NSMCE2: variants seen among roughly 807,000 people sequenced by gnomAD.
NSMCE2 encodes NSE2 SUMO ligase component of SMC5/6 complex.
Under a neutral mutation model 23.8 loss-of-function variants are expected in NSMCE2, and 24 were observed. That is an observed-to-expected ratio of 1.01 (90% CI 0.73 to 1.42). NSMCE2 has a LOEUF of 1.42. Among genes scored for constraint, NSMCE2 ranks in the 40% most tolerant of loss-of-function variants. NSMCE2 has a pLI of 0.00. For missense variants in NSMCE2, 284 were observed against 296.5 expected (o/e 0.96, Z 0.31); for synonymous variants, 92 against 94.1 (o/e 0.98, Z 0.13).
At chr8:125,111,168 G>A (rs1253993086) in intron 3 of NSMCE2, among the ~76,000 whole-genome samples, 2 of 152,114 alleles carry the variant, frequency 1.3e-5, no homozygotes, top group Non-Finnish European at 2.9e-5. Context: ...AGCCAAAAAA[G>A]TTTTCACTGT....
chr8:125,115,626 G>C (rs7836761), intron 3 of NSMCE2, among the ~76,000 whole-genome samples: 74,062 of 152,036 alleles, frequency 0.49, 22,350 homozygotes, highest in African/African-American at 0.86. Flanking sequence ...TGGCAGATGT[G>C]TGTAATCCCA....
intron 5 of NSMCE2, among the ~76,000 whole-genome samples, chr8:125,247,839 T>C (rs1444096301): frequency 6.6e-6 from 1 of 152,240 alleles, no homozygotes; most frequent in Admixed American, 6.5e-5. Flanking sequence ...CAGTCATTAT[T>C]ACTAAGACAA....
chr8:125,273,445 G>T (rs1827314366), intron 5 of NSMCE2, among the ~76,000 whole-genome samples: 1 of 152,220 alleles, frequency 6.6e-6, no homozygotes, highest in Admixed American at 6.5e-5. Context: ...ACAGTAATTA[G>T]CTAAGCATTT....
chr8:125,129,853 G>C (rs1819675904), intron 3 of NSMCE2, among the ~76,000 whole-genome samples: 1 of 151,976 alleles, frequency 6.6e-6, no homozygotes, highest in Admixed American at 6.6e-5. Flanking sequence ...AGATAGTGGA[G>C]TTCCCATATA....
chr8:125,182,094 C>A lies in NSMCE2; in HGVS notation c.265-9C>A, dbSNP rs750227179. 54 of 1,559,372 alleles carry A rather than the reference C, an allele frequency of 3.5e-5. 1 individual carries two copies. The South Asian group carries it at 4.3e-4, about 12-fold the overall frequency. On this transcript the variant is annotated splice_polypyrimidine_tract_variant and intron_variant, in intron 4 of 7. Coordinates refer to ENST00000287437, the MANE Select transcript of NSMCE2 (RefSeq NM_173685.4). ...CATTTAACTCAGGTAATTTTGTTGT[C>A]TCCCTTAGGTGAAAGAAGAACGTCC...
chr8:125,123,944 G>A (rs1488996352), intron 3 of NSMCE2, among the ~76,000 whole-genome samples: 1 of 151,934 alleles, frequency 6.6e-6, no homozygotes, highest in South Asian at 2.1e-4. Flanking sequence ...CAATTTTGTG[G>A]TTTTCAGAAT....
chr8:125,352,311 C>T (rs1813070026), intron 5 of NSMCE2, among the ~76,000 whole-genome samples: 1 of 151,996 alleles, frequency 6.6e-6, no homozygotes, highest in Admixed American at 6.6e-5. Context: ...AACCCCGTCT[C>T]TACTAAAAAT....
chr8:125,147,291 A>C (rs1477094056), intron 3 of NSMCE2, among the ~76,000 whole-genome samples: 3 of 152,236 alleles, frequency 2.0e-5, no homozygotes, highest in African/African-American at 4.8e-5. Flanking sequence ...CTTTGATAGG[A>C]CAATTTATAT....
chr8:125,141,670 T>C (rs989259887), intron 3 of NSMCE2, among the ~76,000 whole-genome samples: 9 of 152,214 alleles, frequency 5.9e-5, no homozygotes, highest in African/African-American at 2.2e-4. Flanking sequence ...CCCAAGTGTT[T>C]TTGTTTGACC....
At chr8:125,194,461 G>T (rs992748947) in intron 5 of NSMCE2, among the ~76,000 whole-genome samples, 9 of 152,022 alleles carry the variant, frequency 5.9e-5, no homozygotes, top group South Asian at 2.1e-4. Context: ...GTATCTCATC[G>T]CATGGATATA....
chr8:125,304,367 T>G (rs1828673272), intron 5 of NSMCE2, among the ~76,000 whole-genome samples: 1 of 152,178 alleles, frequency 6.6e-6, no homozygotes, highest in African/African-American at 2.4e-5. Flanking sequence ...GTGAAGGTTT[T>G]TAGCAGAGGA....
At chr8:125,114,440 C>T (rs1267059125) in intron 3 of NSMCE2, among the ~76,000 whole-genome samples, 2 of 152,194 alleles carry the variant, frequency 1.3e-5, no homozygotes, top group African/African-American at 4.8e-5. Context: ...CTAACTCATT[C>T]ATATATACCC....
intron 5 of NSMCE2, among the ~76,000 whole-genome samples, chr8:125,341,024 G>A (rs913751829): frequency 4.6e-5 from 7 of 152,070 alleles, no homozygotes; most frequent in African/African-American, 1.4e-4. Flanking sequence ...ATGTGGTCGG[G>A]GGCCTCAAAT....
At chr8:125,128,719 C>T (rs953559169) in intron 3 of NSMCE2, among the ~76,000 whole-genome samples, 9 of 152,198 alleles carry the variant, frequency 5.9e-5, no homozygotes, top group Non-Finnish European at 1.3e-4. Context: ...GTGCACATTC[C>T]TTGGCTTCTA....
In NSMCE2 at chr8:125,243,555, T is replaced by A. The variant is rs550324581; in HGVS notation, c.418+61299T>A. Among the ~76,000 whole-genome samples, 4 of 151,666 alleles carry A rather than the reference T, an allele frequency of 2.6e-5. No homozygotes were observed. The East Asian group carries it at 7.7e-4, about 29-fold the overall frequency. On this transcript the variant is annotated intron_variant, in intron 5 of 7. Coordinates refer to ENST00000287437, the MANE Select transcript of NSMCE2 (RefSeq NM_173685.4). ...TGTATTGTCATTGAAAATTGAGGAGTGATTGTGTTGATAAAATCAAGAATC... is the reference window on the plus strand; with the variant it reads ...TGTATTGTCATTGAAAATTGAGGAGAGATTGTGTTGATAAAATCAAGAATC...
chr8:125,147,817 C>T (rs1422917020), intron 3 of NSMCE2, among the ~76,000 whole-genome samples: 1 of 152,128 alleles, frequency 6.6e-6, no homozygotes, highest in Non-Finnish European at 1.5e-5. Flanking sequence ...GAGGTTTTTA[C>T]TGCAGTCGGG....
At chr8:125,144,219 C>A (rs1820541627) in intron 3 of NSMCE2, among the ~76,000 whole-genome samples, 2 of 152,128 alleles carry the variant, frequency 1.3e-5, no homozygotes, top group Admixed American at 6.5e-5. Flanking sequence ...CCAGTGCATG[C>A]CTTAGGCTAC....
At chr8:125,225,136 C>G (rs1389521226) in intron 5 of NSMCE2, among the ~76,000 whole-genome samples, 1 of 152,028 alleles carries the variant, frequency 6.6e-6, no homozygotes, top group Non-Finnish European at 1.5e-5. Context: ...TGTGCTAATC[C>G]CTAACATGAG....
At chr8:125,264,137 G>T (rs1202563011) in intron 5 of NSMCE2, among the ~76,000 whole-genome samples, 1 of 152,222 alleles carries the variant, frequency 6.6e-6, no homozygotes, top group East Asian at 1.9e-4. Context: ...TCTCCCTAGA[G>T]TAAGCCCTAA....
Sources: gnomAD v4.1 joint callset for allele counts (sites outside exome capture counted in the v4.1 genomes callset) on GRCh38, gnomAD v4.1.1 for gene constraint, MANE v1.5 for transcripts, NCBI Gene and HGNC (gene_info 2026-07-23, HGNC 2026-07-21) for gene names.